Variants in RASSF8 observed in about 807,000 individuals in gnomAD.
RASSF8 encodes ras association domain-containing protein 8.
In RASSF8, 22 loss-of-function variants were observed where a neutral mutation model predicts 48.5. That is an observed-to-expected ratio of 0.45 (90% CI 0.32 to 0.65). The LOEUF (loss-of-function observed/expected upper bound fraction) is 0.65. Ranked by LOEUF, RASSF8 falls within the 30% of genes least tolerant of loss-of-function variation. RASSF8 has a pLI of 0.03. For synonymous variants in RASSF8, 127 were observed against 171.5 expected (o/e 0.74, Z 2.03); for missense variants, 418 against 489.2 (o/e 0.85, Z 1.37).
At chr12:26,057,924 T>C (rs1050939565) in intron 3 of RASSF8, among the ~76,000 whole-genome samples, 6 of 152,228 alleles carry the variant, frequency 3.9e-5, no homozygotes, top group African/African-American at 1.4e-4. Flanking sequence ...CATAAATGTC[T>C]TCTTTTGAGA....
chr12:25,967,593 G>C (rs527296303), intron 1 of RASSF8, among the ~76,000 whole-genome samples: 1 of 152,210 alleles, frequency 6.6e-6, no homozygotes, highest in South Asian at 2.1e-4. Flanking sequence ...GAGCCTTATC[G>C]AGCCTCAAGT....
chr12:26,054,137 C>T (rs1472830584), intron 2 of RASSF8, among the ~76,000 whole-genome samples: 3 of 152,118 alleles, frequency 2.0e-5, no homozygotes, highest in African/African-American at 4.8e-5. Context: ...TATTATATCT[C>T]ATGAATTTTA....
intron 5 of RASSF8, among the ~76,000 whole-genome samples, chr12:26,078,663 A>C (rs1358705536): frequency 6.6e-6 from 1 of 152,252 alleles, no homozygotes; most frequent in Non-Finnish European, 1.5e-5. Context: ...TTAAATTCAC[A>C]GGTAAGATGT....
chr12:26,068,614 G>A, intron 5 of RASSF8, 83 bp from the exon 6 acceptor site: 1 of 1,108,418 alleles, frequency 9.0e-7, no homozygotes, highest in African/African-American at 1.6e-5. Context: ...CCCTTTTGGG[G>A]TAGGAAGCAG....
At chr12:25,987,251 C>T (rs1334391923) in intron 1 of RASSF8, among the ~76,000 whole-genome samples, 2 of 152,156 alleles carry the variant, frequency 1.3e-5, no homozygotes, top group Non-Finnish European at 2.9e-5. Flanking sequence ...GAACTCTTGA[C>T]ATTTGGAGCC....
intron 1 of RASSF8, among the ~76,000 whole-genome samples, chr12:25,992,503 G>A (rs562357659): frequency 2.0e-5 from 3 of 152,316 alleles, no homozygotes; most frequent in South Asian, 2.1e-4. Context: ...AATACCTGGA[G>A]TGACTAGTTT....
intron 2 of RASSF8, among the ~76,000 whole-genome samples, chr12:26,028,145 CTG>C (rs1478686305): frequency 2.0e-5 from 3 of 152,116 alleles, no homozygotes; most frequent in African/African-American, 4.8e-5. Context: ...GAATTTGAGA[CTG>C]TATAAATTTA....
chr12:26,048,141 A>G (rs999348757), intron 2 of RASSF8, among the ~76,000 whole-genome samples: 1 of 152,200 alleles, frequency 6.6e-6, no homozygotes, highest in African/African-American at 2.4e-5. Context: ...GTTGACTTAT[A>G]TTTAAAAATG....
chr12:25,995,408 T>C (rs1942110461), intron 2 of RASSF8, among the ~76,000 whole-genome samples: 1 of 152,072 alleles, frequency 6.6e-6, no homozygotes, highest in Admixed American at 6.6e-5. Context: ...AAGTTTGGAG[T>C]CTGAAGCAAA....
rs1943975416 is a variant in RASSF8 at position 26,070,477 on chromosome 12, G to A, written c.*1659G>A. On this transcript the variant is annotated 3_prime_UTR_variant, in exon 6 of 6. Coordinates refer to ENST00000689635, the MANE Select transcript of RASSF8 (RefSeq NM_001394098.1). ...AAGATATGAGTTTCTTTGGGTTCTTGGAGTTATCAAATTGATCTTGCCATT... is the reference window on the plus strand; with the variant it reads ...AAGATATGAGTTTCTTTGGGTTCTTAGAGTTATCAAATTGATCTTGCCATT... The A allele has an allele frequency of 1.0e-6, 1 of 985,064 alleles. No individual in the cohort carries two copies. The highest frequency in any genetic ancestry group is 1.7e-5 in the African/African-American group (1 of 57,176). The allele number at this position is 985,064 out of a possible 1,614,324, so 61.0% of individuals were successfully genotyped here. A position where few individuals can be genotyped will look rare whatever the true frequency, so the allele number is the denominator to read the frequency against.
intron 4 of RASSF8, among the ~76,000 whole-genome samples, chr12:26,066,657 C>T (rs1943881857): frequency 6.6e-6 from 1 of 152,098 alleles, no homozygotes; most frequent in African/African-American, 2.4e-5. Flanking sequence ...CTAGCAAATC[C>T]CTCTACCCAC....
At chr12:25,981,501 G>C (rs140649122) in intron 1 of RASSF8, among the ~76,000 whole-genome samples, 5 of 152,286 alleles carry the variant, frequency 3.3e-5, no homozygotes, top group Non-Finnish European at 5.9e-5. Context: ...GGCAACTCCA[G>C]GATTCCCTAA....
Position 26,068,983 on chromosome 12 carries a change from TA to T in RASSF8, c.*168del. On this transcript the variant is annotated 3_prime_UTR_variant, in exon 6 of 6. Transcript: ENST00000689635. Reference sequence around the variant, plus strand: ...GGAGCCATACCCTGTGCACTGATGCTAAAGAACAAAGAAACTGTGTTTTCAC... The same window carrying T: ...GGAGCCATACCCTGTGCACTGATGCTAAGAACAAAGAAACTGTGTTTTCAC... 7.4e-7 allele frequency: 1 copy of T among 1,356,474 alleles called. No homozygotes were observed. Among genetic ancestry groups the T allele is most frequent in the African/African-American group, 1.5e-5 (1 of 68,044 alleles). The allele number at this position is 1,356,474 out of a possible 1,614,324, so 84.0% of individuals were successfully genotyped here.
downstream of RASSF8, among the ~76,000 whole-genome samples, chr12:26,076,484 C>T (rs1281430349): frequency 6.6e-6 from 1 of 152,132 alleles, no homozygotes; most frequent in Non-Finnish European, 1.5e-5. Context: ...TCTCATTGTT[C>T]AGTTCCCACC....
intron 2 of RASSF8, among the ~76,000 whole-genome samples, chr12:26,001,808 AC>A (rs1263179620): frequency 1.3e-5 from 2 of 152,132 alleles, no homozygotes; most frequent in African/African-American, 4.8e-5. Context: ...AGGAAGGAAT[AC>A]CCTTTAAAGT....
chr12:26,070,068 C>A lies in RASSF8; in HGVS notation c.*1250C>A. 3.1e-6 allele frequency: 3 copies of A among 983,092 alleles called. No homozygotes were observed. The highest frequency in any genetic ancestry group is 3.6e-6 in the Non-Finnish European group (3 of 827,786). 60.9% of individuals were successfully genotyped at this position (983,092 alleles called of 1,614,324 possible). The stretch of plus-strand genomic sequence containing the variant: ...TTTACAAGTAATATTTAGACAGATT[C>A]AGTCAGACACCACTTAGCCATTTTT... On this transcript the variant is annotated 3_prime_UTR_variant, in exon 6 of 6. Transcript: ENST00000689635.
intron 1 of RASSF8, among the ~76,000 whole-genome samples, chr12:25,980,765 G>T (rs1373255690): frequency 6.6e-6 from 1 of 151,960 alleles, no homozygotes; most frequent in Non-Finnish European, 1.5e-5. Context: ...GTCATTGCAA[G>T]AATAATTTAA....
chr12:26,050,056 T>C (rs1986803), intron 2 of RASSF8, among the ~76,000 whole-genome samples: 5,851 of 152,336 alleles, frequency 0.038, 140 homozygotes, highest in African/African-American at 0.066. Flanking sequence ...GTGCTGGAAT[T>C]ACAGGCGTGA....
intron 1 of RASSF8, among the ~76,000 whole-genome samples, chr12:25,983,771 A>C (rs1192271922): frequency 6.6e-6 from 1 of 152,170 alleles, no homozygotes; most frequent in African/African-American, 2.4e-5. Context: ...TGTACAGTGG[A>C]TTACCGTAGG....
Sources: gnomAD v4.1 joint callset for allele counts (sites outside exome capture counted in the v4.1 genomes callset) on GRCh38, gnomAD v4.1.1 for gene constraint, MANE v1.5 for transcripts, NCBI Gene and HGNC (gene_info 2026-07-23, HGNC 2026-07-21) for gene names.